PPM1E: variants seen among roughly 807,000 people sequenced by gnomAD.
PPM1E encodes protein phosphatase, Mg2+/Mn2+ dependent 1E, also known as protein phosphatase 1E.
In PPM1E, 20 loss-of-function variants were observed where a neutral mutation model predicts 65.9. The ratio of observed to expected loss-of-function variants is 0.30; its 90% CI spans 0.21 to 0.44. The LOEUF is 0.44. Among genes scored for constraint, PPM1E ranks in the 20% least tolerant of loss-of-function variants. The pLI, the probability that PPM1E is intolerant of heterozygous loss-of-function variation, is 1.00. For missense variants in PPM1E, 713 were observed against 953.1 expected (o/e 0.75, Z 3.32); for synonymous variants, 352 against 374.9 (o/e 0.94, Z 0.70).
intron 1 of PPM1E, among the ~76,000 whole-genome samples, chr17:58,770,681 T>G (rs2049928814): frequency 6.6e-6 from 1 of 152,176 alleles, no homozygotes. Flanking sequence ...AAAAATCTGT[T>G]AAGTATTACA....
At chr17:58,760,483 G>A (rs1243434033) in intron 1 of PPM1E, among the ~76,000 whole-genome samples, 2 of 151,920 alleles carry the variant, frequency 1.3e-5, no homozygotes, top group Non-Finnish European at 2.9e-5. Flanking sequence ...ATTCTACCTC[G>A]TAAATACCTC....
chr17:58,755,889 G>C lies in PPM1E; in HGVS notation c.-109G>C, dbSNP rs887185433. On this transcript the variant is annotated 5_prime_UTR_variant, in exon 1 of 7. Coordinates refer to ENST00000308249, the MANE Select transcript of PPM1E (RefSeq NM_014906.5). ...AACCTAGTGCTGATCGCTCGTGCCG[G>C]TGCGGCCGTTAACCGCCCTTGCCGG... is the stretch of plus-strand genomic sequence containing the variant. The C allele has an allele frequency of 2.3e-5, 35 of 1,525,140 alleles. No individual in the cohort carries two copies. The highest frequency in any genetic ancestry group is 4.1e-5 in the African/African-American group (3 of 72,968). 94.5% of individuals were successfully genotyped at this position (1,525,140 alleles called of 1,614,324 possible).
intron 1 of PPM1E, among the ~76,000 whole-genome samples, chr17:58,945,435 G>T (rs1000942405): frequency 1.3e-5 from 2 of 152,180 alleles, no homozygotes; most frequent in East Asian, 3.9e-4. Flanking sequence ...GAGCCACCTT[G>T]CCCAGCCTCA....
chr17:58,868,522 A>T (rs1199641502), intron 1 of PPM1E, among the ~76,000 whole-genome samples: 1 of 144,794 alleles, frequency 6.9e-6, no homozygotes, highest in Non-Finnish European at 1.5e-5. Flanking sequence ...GACTGTTTTC[A>T]TTCTTTCCAT....
chr17:58,946,245 A>G (rs969180724), intron 1 of PPM1E, among the ~76,000 whole-genome samples: 1 of 152,214 alleles, frequency 6.6e-6, no homozygotes, highest in Non-Finnish European at 1.5e-5. Flanking sequence ...TCACTCAGGA[A>G]ATAAAAAGGG....
At chr17:58,805,870 C>A (rs937750661) in intron 1 of PPM1E, among the ~76,000 whole-genome samples, 1 of 146,476 alleles carries the variant, frequency 6.8e-6, no homozygotes, top group Non-Finnish European at 1.5e-5. Flanking sequence ...GAATAGGAAG[C>A]CTAAAATGTA....
intron 1 of PPM1E, among the ~76,000 whole-genome samples, chr17:58,909,766 A>G (rs2051601176): frequency 1.3e-5 from 2 of 151,910 alleles, no homozygotes; most frequent in African/African-American, 4.8e-5. Context: ...GTTTAAAATG[A>G]TATTCCTAGG....
chr17:58,897,651 T>TA lies in PPM1E; in HGVS notation c.465-57997dup, dbSNP rs2051439490. ...GATTCCTCTAATGGATATAGGCAAA[T>TA]ACGTTGAAAACTTTCTGGAAAGGAT... On this transcript the variant is annotated intron_variant, in intron 1 of 6. Transcript: ENST00000308249. 3 of 152,314 alleles carry TA rather than the reference T, an allele frequency of 2.0e-5. No homozygotes were observed. In the South Asian group the frequency reaches 6.2e-4, roughly 32 times the overall value. The allele number at this position is 152,314 out of a possible 1,614,324, so 9.4% of individuals were successfully genotyped here.
intron 1 of PPM1E, among the ~76,000 whole-genome samples, chr17:58,944,116 C>T (rs1450391754): frequency 1.3e-5 from 2 of 152,094 alleles, no homozygotes; most frequent in Non-Finnish European, 2.9e-5. Context: ...GTTACTGCCC[C>T]ATATCTCTGT....
At chr17:58,802,238 T>C (rs766236306) in intron 1 of PPM1E, among the ~76,000 whole-genome samples, 22 of 152,226 alleles carry the variant, frequency 1.4e-4, no homozygotes, top group Admixed American at 5.2e-4. Flanking sequence ...CAACTTCATA[T>C]TTTTTGAATA....
intron 1 of PPM1E, among the ~76,000 whole-genome samples, chr17:58,808,969 C>T (rs559515591): frequency 1.3e-5 from 2 of 152,262 alleles, no homozygotes; most frequent in South Asian, 2.1e-4. Context: ...TAACTTCTCA[C>T]CTGGATTGTT....
At chr17:58,830,174 C>G (rs1286878940) in intron 1 of PPM1E, among the ~76,000 whole-genome samples, 1 of 152,024 alleles carries the variant, frequency 6.6e-6, no homozygotes, top group Admixed American at 6.6e-5. Context: ...GACACTGTCT[C>G]TCTAAAAAAA....
At chr17:58,771,182 G>A (rs544240703) in intron 1 of PPM1E, among the ~76,000 whole-genome samples, 50 of 151,844 alleles carry the variant, frequency 3.3e-4, no homozygotes, top group Non-Finnish European at 1.5e-4. Flanking sequence ...CTAAGTGGTC[G>A]ACAAATAAAG....
At chr17:58,882,589 C>G (rs1251724372) in intron 1 of PPM1E, among the ~76,000 whole-genome samples, 1 of 152,074 alleles carries the variant, frequency 6.6e-6, no homozygotes, top group African/African-American at 2.4e-5. Flanking sequence ...CAGGGTTTCA[C>G]CATGTTGGCC....
chr17:58,874,375 A>G (rs1431465587), intron 1 of PPM1E, among the ~76,000 whole-genome samples: 1 of 152,204 alleles, frequency 6.6e-6, no homozygotes, highest in South Asian at 2.1e-4. Flanking sequence ...TTGTCCATTT[A>G]TATATCTTCT....
At chr17:58,958,992 C>T (rs753415192) in intron 2 of PPM1E, among the ~76,000 whole-genome samples, 3 of 151,978 alleles carry the variant, frequency 2.0e-5, no homozygotes, top group Non-Finnish European at 1.5e-5. Flanking sequence ...AAATGAGAGA[C>T]GAGTCTTAGT....
At chr17:58,842,112 G>A (rs1009517146) in intron 1 of PPM1E, among the ~76,000 whole-genome samples, 1 of 152,084 alleles carries the variant, frequency 6.6e-6, no homozygotes, top group Non-Finnish European at 1.5e-5. Flanking sequence ...AAAGTACTGG[G>A]ACTACAGGCA....
intron 1 of PPM1E, among the ~76,000 whole-genome samples, chr17:58,828,458 TTTTG>T (rs759335359): frequency 5.9e-5 from 9 of 152,226 alleles, no homozygotes; most frequent in East Asian, 3.9e-4. Context: ...TTTTAATTCT[TTTTG>T]TTTGTTTGTT....
intron 1 of PPM1E, among the ~76,000 whole-genome samples, chr17:58,814,161 A>G (rs1443362839): frequency 6.6e-6 from 1 of 152,230 alleles, no homozygotes; most frequent in Non-Finnish European, 1.5e-5. Context: ...AGAAGATGTC[A>G]TTAAGAATAT....
Sources: allele counts gnomAD v4.1 joint callset (sites outside exome capture counted in the v4.1 genomes callset), GRCh38; gene constraint gnomAD v4.1.1; transcripts MANE v1.5; gene names NCBI Gene and HGNC (gene_info 2026-07-23, HGNC 2026-07-21).